The following KYAT3 variants were observed in gnomAD, a reference collection of about 807,000 sequenced individuals.
The protein encoded by KYAT3 is kynurenine aminotransferase 3.
Under a neutral mutation model 59.0 loss-of-function variants are expected in KYAT3, and 50 were observed. The observed-to-expected ratio is 0.85, with a 90% CI of 0.68 to 1.07. The LOEUF (loss-of-function observed/expected upper bound fraction) is 1.07, where lower values mean the gene tolerates loss of function less well. Among genes scored for constraint, KYAT3 ranks in the 50% least tolerant of loss-of-function variants. The pLI, the probability that KYAT3 is intolerant of heterozygous loss-of-function variation, is 0.00. For synonymous variants in KYAT3, 148 were observed against 177.0 expected (o/e 0.84, Z 1.30); for missense variants, 497 against 533.3 (o/e 0.93, Z 0.67).
At chr1:88,989,249 C>T (rs998615547) in intron 1 of KYAT3, among the ~76,000 whole-genome samples, 1 of 152,092 alleles carries the variant, frequency 6.6e-6, no homozygotes, top group Non-Finnish European at 1.5e-5. Context: ...ATATAAAACG[C>T]TAACAAATCA....
In KYAT3 at chr1:88,975,353, A is replaced by G. The variant is rs536174523; in HGVS notation, c.100-5886T>C. Among the ~76,000 whole-genome samples the G allele has an allele frequency of 6.4e-3, 967 of 152,270 alleles. 6 individuals carry two copies. The highest frequency in any genetic ancestry group is 0.01 in the Middle Eastern group (3 of 294). On this transcript the variant is annotated intron_variant, in intron 2 of 13. Transcript: ENST00000260508. ...TTTTTAGGAGAGACTGGGTTTCACC[A>G]CGTTAGCCAGGATGGTCTTGATCTC...
chr1:88,925,682 A>AAG, the KYAT3 span, among the ~76,000 whole-genome samples: 936 of 148,068 alleles, frequency 6.3e-3, 5 homozygotes, highest in African/African-American at 0.019. Context: ...AGAGAGATGG[A>AAG]AGAGAGAGAG....
chr1:88,945,590 A>C (rs1462748220), intron 11 of KYAT3, among the ~76,000 whole-genome samples: 1 of 152,212 alleles, frequency 6.6e-6, no homozygotes, highest in African/African-American at 2.4e-5. Context: ...TATATTTGCA[A>C]AGCTCCTAAT....
intron 11 of KYAT3, among the ~76,000 whole-genome samples, chr1:88,947,120 C>T (rs1234903020): frequency 6.6e-6 from 1 of 152,164 alleles, no homozygotes; most frequent in Non-Finnish European, 1.5e-5. Flanking sequence ...CAGCTAGATA[C>T]AACCTACTTG....
intron 2 of KYAT3, chr1:88,979,993 G>A (rs1272693046): frequency 1.3e-5 from 2 of 152,096 alleles, no homozygotes; most frequent in Non-Finnish European, 2.9e-5. Context: ...GCAATAAAAG[G>A]AATAAGCTAC....
Position 88,936,165 on chromosome 1 carries a change from T to C in KYAT3, c.*18A>G. The C allele has an allele frequency of 6.4e-7, 1 of 1,571,792 alleles. No homozygotes were observed. Among genetic ancestry groups the C allele is most frequent in the Non-Finnish European group, 8.7e-7 (1 of 1,145,874 alleles). On this transcript the variant is annotated 3_prime_UTR_variant, in exon 14 of 14. Coordinates refer to ENST00000260508, the MANE Select transcript of KYAT3 (RefSeq NM_001008661.3). ...ATACTAGGTCATCTAACAGAAACAT[T>C]AATCCATTCTGCACAAATCAAGACT...
At chr1:88,951,102 T>C (rs975563381) in intron 10 of KYAT3, among the ~76,000 whole-genome samples, 14 of 152,228 alleles carry the variant, frequency 9.2e-5, no homozygotes, top group African/African-American at 3.4e-4. Flanking sequence ...GTTGTTCAAA[T>C]GTTACCTTAT....
At chr1:88,983,059 T>C (rs774640191) in intron 2 of KYAT3, 8 of 1,612,494 alleles carry the variant, frequency 5.0e-6, no homozygotes, top group Non-Finnish European at 2.5e-6. Context: ...AGCCTCTTGA[T>C]GGATAGTCAT....
chr1:88,975,431 A>G (rs542099400), intron 2 of KYAT3, among the ~76,000 whole-genome samples: 91 of 152,260 alleles, frequency 6.0e-4, no homozygotes, highest in African/African-American at 1.5e-3. Flanking sequence ...GATTACAGGC[A>G]TGAGCCACAG....
At chr1:88,931,477 A>G (rs925970583), downstream of KYAT3, among the ~76,000 whole-genome samples, 1 of 152,082 alleles carries the variant, frequency 6.6e-6, no homozygotes, top group Non-Finnish European at 1.5e-5. Context: ...TCAACTGTAC[A>G]ACCCCTACTA....
rs758948981 is a variant in KYAT3, at chr1:88,964,988, TAAAAATAAGAACA to T, written c.304-23_304-11del. Reference sequence around the variant, plus strand: ...CAAGTGATGGATGGCCCTGTTGGATTAAAAATAAGAACAAAACCTTGAATTTAAATATGGGACC... The same window carrying T: ...CAAGTGATGGATGGCCCTGTTGGATTAAACCTTGAATTTAAATATGGGACC... On this transcript the variant is annotated splice_polypyrimidine_tract_variant and intron_variant, in intron 4 of 13. Coordinates refer to ENST00000260508, the MANE Select transcript of KYAT3 (RefSeq NM_001008661.3). 2.4e-5 allele frequency: 38 copies of T among 1,589,446 alleles called. No homozygotes were observed. The highest frequency in any genetic ancestry group is 3.4e-6 in the Non-Finnish European group (4 of 1,174,126).
At chr1:88,983,361 T>C (rs1677218806) in intron 2 of KYAT3, 1 of 1,614,034 alleles carries the variant, frequency 6.2e-7, no homozygotes. Flanking sequence ...CCCCCACTTC[T>C]TGGTGGTGGT....
At chr1:88,932,832 CCCT>C (rs1327836693), downstream of KYAT3, among the ~76,000 whole-genome samples, 1 of 152,044 alleles carries the variant, frequency 6.6e-6, no homozygotes, top group Non-Finnish European at 1.5e-5. Context: ...TGGAACAACA[CCCT>C]GATTCTCTGG....
intron 2 of KYAT3, chr1:88,983,176 T>C (rs753345867): frequency 6.2e-7 from 1 of 1,612,662 alleles, no homozygotes; most frequent in South Asian, 1.1e-5. Context: ...AATAGCTGTC[T>C]TTAGTAGAAT....
At chr1:88,988,674 C>T (rs1199448493) in intron 1 of KYAT3, among the ~76,000 whole-genome samples, 1 of 152,188 alleles carries the variant, frequency 6.6e-6, no homozygotes, top group Non-Finnish European at 1.5e-5. Flanking sequence ...AGTTCCATTT[C>T]TAGCAGCTAT....
intron 13 of KYAT3, among the ~76,000 whole-genome samples, chr1:88,942,648 T>C (rs1453789593): frequency 1.3e-5 from 2 of 152,040 alleles, no homozygotes; most frequent in Non-Finnish European, 2.9e-5. Flanking sequence ...CTGCAAGCTC[T>C]TCCTCGCGGG....
At chr1:88,970,306 C>G (rs998926304) in intron 2 of KYAT3, among the ~76,000 whole-genome samples, 2 of 152,076 alleles carry the variant, frequency 1.3e-5, no homozygotes, top group Non-Finnish European at 2.9e-5. Context: ...ATAATGAACT[C>G]ATTATTACTG....
chr1:88,992,311 C>T (rs904320321), intron 1 of KYAT3, among the ~76,000 whole-genome samples: 3 of 152,380 alleles, frequency 2.0e-5, no homozygotes, highest in African/African-American at 7.2e-5. Context: ...TCTTCTCAGA[C>T]TGCCTTCTAA....
rs540876914 is a variant in KYAT3 at position 88,955,195 on chromosome 1, A to G, written c.818T>C (p.Ile273Thr). The G allele has an allele frequency of 1.9e-5, 30 of 1,612,404 alleles. No homozygotes were observed. In the East Asian group the frequency reaches 6.7e-4, roughly 36 times the overall value. Residue 273 changes from isoleucine (I) to threonine (T), a missense_variant, in exon 9 of 14, where the codon ATA (isoleucine) becomes ACA (threonine). Around this residue, in one of 2 missense-constraint regions of KYAT3, gnomAD observed 469 missense variants for 479.1 expected, o/e 0.98. Transcript: ENST00000260508. Reference protein sequence around the residue: ...ATFPGMWERTITIGSAGKTFS... With the variant: ...ATFPGMWERTTTIGSAGKTFS... ...AGTCTTTCCAGCACTTCCTATTGTT[A>G]TTGTTCTCTCCCACATACCTGGAAA...
Sources: gnomAD v4.1 joint callset for allele counts (sites outside exome capture counted in the v4.1 genomes callset) on GRCh38, gnomAD v4.1.1 for gene constraint, gnomAD v4.1.1 regional missense constraint, MANE v1.5 for transcripts, NCBI Gene and HGNC (gene_info 2026-07-23, HGNC 2026-07-21) for gene names.